NRXN1: variants seen among roughly 807,000 people sequenced by gnomAD.
NRXN1 encodes the protein neurexin 1, also known as neurexin-1.
In NRXN1, 39 loss-of-function variants were observed where a neutral mutation model predicts 150.9. The ratio of observed to expected loss-of-function variants is 0.26; its 90% confidence interval spans 0.20 to 0.34. The LOEUF is 0.34. NRXN1 is among the 10% of genes least tolerant of loss of function. The pLI is 1.00. For missense variants in NRXN1, 1,815 were observed against 1,949.9 expected (o/e 0.93, Z 1.30); for synonymous variants, 924 against 757.0 (o/e 1.22, Z -3.62).
intron 18 of NRXN1, among the ~76,000 whole-genome samples, chr2:50,206,659 C>G (rs971859495): frequency 1.3e-5 from 2 of 151,956 alleles, no homozygotes; most frequent in Non-Finnish European, 2.9e-5. Context: ...GGTTGACAAT[C>G]TGAAACAATG....
intron 18 of NRXN1, among the ~76,000 whole-genome samples, chr2:50,213,301 T>C (rs1489993292): frequency 2.0e-5 from 3 of 151,964 alleles, no homozygotes; most frequent in Non-Finnish European, 4.4e-5. Context: ...TTATACAGTT[T>C]GCATTCTAAT....
intron 18 of NRXN1, among the ~76,000 whole-genome samples, chr2:50,146,488 T>C (rs913611628): frequency 1.3e-5 from 2 of 151,694 alleles, no homozygotes; most frequent in African/African-American, 4.8e-5. Context: ...TTAGATTATA[T>C]AGAGTAATGC....
At chr2:50,333,244 C>T (rs577035549) in intron 17 of NRXN1, among the ~76,000 whole-genome samples, 12 of 152,122 alleles carry the variant, frequency 7.9e-5, no homozygotes, top group Non-Finnish European at 1.5e-4. Flanking sequence ...GTTATAGTCC[C>T]AGCTCTGCCA....
At chr2:50,824,510 C>T (rs1474393297) in intron 5 of NRXN1, among the ~76,000 whole-genome samples, 1 of 152,108 alleles carries the variant, frequency 6.6e-6, no homozygotes, top group Non-Finnish European at 1.5e-5. Flanking sequence ...GAAGTAGTTG[C>T]TTTTAAAACT....
At chr2:50,452,342 G>C (rs948894659) in intron 17 of NRXN1, among the ~76,000 whole-genome samples, 4 of 152,136 alleles carry the variant, frequency 2.6e-5, no homozygotes, top group South Asian at 4.1e-4. Flanking sequence ...ATAGGTCTGA[G>C]GGTTGAGGAA....
At chr2:50,456,080 A>C (rs760803584) in intron 17 of NRXN1, among the ~76,000 whole-genome samples, 2 of 152,120 alleles carry the variant, frequency 1.3e-5, no homozygotes, top group Non-Finnish European at 2.9e-5. Context: ...TCTCTCCCTA[A>C]AGGGTCATAT....
chr2:50,614,893 T>G (rs539240578), intron 8 of NRXN1, among the ~76,000 whole-genome samples: 1 of 152,158 alleles, frequency 6.6e-6, no homozygotes, highest in East Asian at 1.9e-4. Context: ...GAAGGAAATA[T>G]TTCATCTCTT....
intron 5 of NRXN1, among the ~76,000 whole-genome samples, chr2:50,697,312 A>G (rs1190489390): frequency 1.3e-5 from 2 of 152,200 alleles, no homozygotes; most frequent in African/African-American, 2.4e-5. Context: ...TTAGGACAGT[A>G]TATGATTAAT....
At chr2:50,810,271 T>G (rs1447289017) in intron 5 of NRXN1, among the ~76,000 whole-genome samples, 1 of 152,216 alleles carries the variant, frequency 6.6e-6, no homozygotes, top group Admixed American at 6.5e-5. Flanking sequence ...ATCATTTAAT[T>G]CCTTCAAAAG....
intron 17 of NRXN1, among the ~76,000 whole-genome samples, chr2:50,327,476 G>A (rs1215512531): frequency 6.6e-6 from 1 of 150,714 alleles, no homozygotes; most frequent in Non-Finnish European, 1.5e-5. Context: ...GGTATATATA[G>A]GTTAAAATTA....
chr2:50,249,642 CT>C (rs35165216), intron 17 of NRXN1, among the ~76,000 whole-genome samples: 63,483 of 144,750 alleles, frequency 0.44, 13,712 homozygotes, highest in African/African-American at 0.5. Flanking sequence ...TCTTTCCTTT[CT>C]TTTTTTTTTT....
intron 19 of NRXN1, among the ~76,000 whole-genome samples, chr2:50,061,350 A>G (rs988436092): frequency 2.0e-5 from 3 of 152,204 alleles, no homozygotes; most frequent in African/African-American, 7.2e-5. Flanking sequence ...GGAAAGGTTC[A>G]GGATCTAATA....
chr2:50,251,367 C>CTT (rs35768842), intron 17 of NRXN1, among the ~76,000 whole-genome samples: 1 of 151,738 alleles, frequency 6.6e-6, no homozygotes, highest in Non-Finnish European at 1.5e-5. Context: ...GATCTCAGTC[C>CTT]TTTTTATGGC....
chr2:50,821,085 C>T (rs1202497549), intron 5 of NRXN1, among the ~76,000 whole-genome samples: 1 of 152,202 alleles, frequency 6.6e-6, no homozygotes, highest in East Asian at 1.9e-4. Context: ...TGAGAATCCA[C>T]TCATTTAACT....
rs200472664 is a variant in NRXN1, at chr2:51,026,390, T to C, written c.772+1112A>G. On this transcript the variant is annotated intron_variant, in intron 2 of 22. Transcript: ENST00000401669. ...ACTCACTTTCTGTTAGAGGCTTTGC[T>C]GTATTTATACAACAGTATTTTCCTT... 5 of 1,596,656 alleles carry C rather than the reference T, an allele frequency of 3.1e-6. No homozygotes were observed. The African/African-American group carries it at 5.3e-5, about 17-fold the overall frequency.
chr2:50,352,119 G>A (rs925827830), intron 17 of NRXN1, among the ~76,000 whole-genome samples: 4 of 152,028 alleles, frequency 2.6e-5, no homozygotes, highest in Non-Finnish European at 5.9e-5. Flanking sequence ...GCCCACTCAC[G>A]CCTGATGATT....
At chr2:50,790,039 A>G (rs1215043353) in intron 5 of NRXN1, among the ~76,000 whole-genome samples, 2 of 151,936 alleles carry the variant, frequency 1.3e-5, no homozygotes, top group Non-Finnish European at 2.9e-5. Context: ...GGCCTCTCAT[A>G]TTTCTGTAAG....
intron 17 of NRXN1, among the ~76,000 whole-genome samples, chr2:50,425,784 G>A (rs1482443218): frequency 1.3e-5 from 2 of 152,092 alleles, no homozygotes; most frequent in South Asian, 2.1e-4. Flanking sequence ...GAGGCATGTC[G>A]TCATAGGTTA....
chr2:50,677,402 G>A (rs2104771284), intron 5 of NRXN1, among the ~76,000 whole-genome samples: 1 of 152,134 alleles, frequency 6.6e-6, no homozygotes, highest in South Asian at 2.1e-4. Context: ...TTCTTAAGTT[G>A]GCTTTCCTAT....
Sources: allele counts gnomAD v4.1 joint callset (sites outside exome capture counted in the v4.1 genomes callset), GRCh38; gene constraint gnomAD v4.1.1; transcripts MANE v1.5; gene names NCBI Gene and HGNC (gene_info 2026-07-23, HGNC 2026-07-21).